Variants in CRACD observed in about 807,000 individuals in gnomAD.
CRACD encodes capping protein-inhibiting regulator of actin dynamics.
CRACD carries 56 observed loss-of-function variants against 106.8 expected under a neutral mutation model. The ratio of observed to expected loss-of-function variants is 0.52; its 90% CI spans 0.42 to 0.66. The LOEUF is 0.66. CRACD is among the 30% of genes least tolerant of loss of function. CRACD has a pLI of 0.00. For missense variants in CRACD, 1,730 were observed against 1,623.2 expected, an observed-to-expected ratio of 1.07 and a Z score of -1.13; for synonymous variants, 754 against 670.8, an observed-to-expected ratio of 1.12 and a Z score of -1.92.
intron 2 of CRACD, among the ~76,000 whole-genome samples, chr4:56,222,819 A>G (rs1739115388): frequency 6.6e-6 from 1 of 151,896 alleles, no homozygotes; most frequent in Non-Finnish European, 1.5e-5. Flanking sequence ...AAAGCACCGC[A>G]AAAATTAGCT....
intron 1 of CRACD, among the ~76,000 whole-genome samples, chr4:56,093,213 C>T (rs1034804689): frequency 1.3e-5 from 2 of 152,104 alleles, no homozygotes; most frequent in Non-Finnish European, 2.9e-5. Flanking sequence ...TGGTTGAGTG[C>T]CTTACTGTGT....
At chr4:56,310,883 T>C in intron 6 of CRACD, 149 bp downstream of exon 6, 1 of 603,424 alleles carries the variant, frequency 1.7e-6, no homozygotes, top group South Asian at 2.0e-5. Context: ...ATGCCACTAG[T>C]GACAGATGTT....
At chr4:56,134,665 C>G (rs564612759) in intron 1 of CRACD, among the ~76,000 whole-genome samples, 1 of 152,210 alleles carries the variant, frequency 6.6e-6, no homozygotes, top group African/African-American at 2.4e-5. Context: ...TCAGTATTTC[C>G]CTAAGAGAGT....
chr4:56,320,501 A>G (rs1428469824), intron 8 of CRACD, among the ~76,000 whole-genome samples: 3 of 152,230 alleles, frequency 2.0e-5, no homozygotes, highest in African/African-American at 4.8e-5. Flanking sequence ...TGATTTCAAC[A>G]CTAGTCATCC....
intron 2 of CRACD, among the ~76,000 whole-genome samples, chr4:56,218,471 C>T (rs1484950370): frequency 8.5e-6 from 1 of 117,900 alleles, no homozygotes; most frequent in South Asian, 3.5e-4. Context: ...CCCTGCCTTT[C>T]CTTCCCCTCC....
intron 1 of CRACD, among the ~76,000 whole-genome samples, chr4:56,124,507 A>G (rs370895935): frequency 6.6e-6 from 1 of 152,214 alleles, no homozygotes; most frequent in East Asian, 1.9e-4. Flanking sequence ...TAAAAATAAT[A>G]ATAATTCCTT....
At chr4:56,269,387 TAA>T (rs373835054) in intron 2 of CRACD, among the ~76,000 whole-genome samples, 4 of 139,260 alleles carry the variant, frequency 2.9e-5, no homozygotes, top group Admixed American at 7.2e-5. Flanking sequence ...TCTCGCAAAG[TAA>T]AAAAAAAAAA....
intron 1 of CRACD, among the ~76,000 whole-genome samples, chr4:56,150,843 G>T (rs1735553544): frequency 6.6e-6 from 1 of 152,120 alleles, no homozygotes. Flanking sequence ...TGAACATCCT[G>T]GTGCTGATAT....
intron 2 of CRACD, among the ~76,000 whole-genome samples, chr4:56,210,288 C>T (rs977860022): frequency 2.6e-5 from 4 of 152,084 alleles, no homozygotes; most frequent in African/African-American, 4.8e-5. Flanking sequence ...TAGGTAAACT[C>T]GTGACTTGGG....
At chr4:56,135,647 A>G (rs1734976479) in intron 1 of CRACD, among the ~76,000 whole-genome samples, 1 of 152,236 alleles carries the variant, frequency 6.6e-6, no homozygotes, top group Admixed American at 6.5e-5. Context: ...CTCATCTTTT[A>G]AAACGATGTT....
intron 1 of CRACD, among the ~76,000 whole-genome samples, chr4:56,094,054 C>G (rs1308161253): frequency 2.0e-5 from 3 of 152,000 alleles, no homozygotes; most frequent in African/African-American, 7.2e-5. Context: ...TGGAAAGGTT[C>G]GCATCAATTT....
chr4:56,202,409 G>T (rs150430633), intron 2 of CRACD, among the ~76,000 whole-genome samples: 1,849 of 152,220 alleles, frequency 0.012, 91 homozygotes, highest in Admixed American at 0.085. Context: ...ATCACACCCG[G>T]CTAATTTTTC....
chr4:56,291,889 G>T (rs553308440), intron 3 of CRACD, among the ~76,000 whole-genome samples: 1 of 152,270 alleles, frequency 6.6e-6, no homozygotes, highest in Admixed American at 6.5e-5. Flanking sequence ...CAAAGAATGG[G>T]GCATTGCTAT....
intron 2 of CRACD, among the ~76,000 whole-genome samples, chr4:56,240,058 C>G (rs1284642512): frequency 6.6e-6 from 1 of 151,334 alleles, no homozygotes; most frequent in African/African-American, 2.4e-5. Context: ...TTTATTCGTC[C>G]ATCTCATATG....
At chr4:56,226,426 C>A (rs777880681) in intron 2 of CRACD, among the ~76,000 whole-genome samples, 1 of 152,134 alleles carries the variant, frequency 6.6e-6, no homozygotes, top group Non-Finnish European at 1.5e-5. Context: ...AGTGAGTTTT[C>A]TTGGCCCTTT....
chr4:56,301,260 A>G (rs1013650298), intron 4 of CRACD: 1 of 1,283,214 alleles, frequency 7.8e-7, no homozygotes, highest in Non-Finnish European at 1.0e-6. Context: ...AAGTCGTAGA[A>G]GTGATAGTAA....
At chr4:56,313,148 A>G (rs776564655) in intron 6 of CRACD, 49 bp from the exon 7 acceptor site, 19 of 1,530,584 alleles carry the variant, frequency 1.2e-5, no homozygotes, top group Admixed American at 1.0e-4. Context: ...GATTCCCTGC[A>G]GGTTGTCTTC....
At chr4:56,122,248 TTAAAA>T (rs1282874538) in intron 1 of CRACD, among the ~76,000 whole-genome samples, 1 of 149,908 alleles carries the variant, frequency 6.7e-6, no homozygotes, top group Non-Finnish European at 1.5e-5. Flanking sequence ...ATTAAACAAG[TTAAAA>T]TATAAGTGCA....
At chr4:56,269,088 G>A (rs1400996517) in intron 2 of CRACD, among the ~76,000 whole-genome samples, 1 of 152,134 alleles carries the variant, frequency 6.6e-6, no homozygotes, top group African/African-American at 2.4e-5. Context: ...GGTAATTTAT[G>A]AAGAAAAGAG....
Sources: allele counts gnomAD v4.1 joint callset (sites outside exome capture counted in the v4.1 genomes callset), GRCh38; gene constraint gnomAD v4.1.1; transcripts MANE v1.5; gene names NCBI Gene and HGNC (gene_info 2026-07-23, HGNC 2026-07-21).